The following HELQ variants were observed in gnomAD, a reference collection of about 807,000 sequenced individuals.
HELQ encodes helicase, POLQ like.
In HELQ, 77 loss-of-function variants were observed where a neutral mutation model predicts 111.6. The ratio of observed to expected loss-of-function variants is 0.69; its 90% CI spans 0.57 to 0.83. The LOEUF (loss-of-function observed/expected upper bound fraction) is 0.83, where lower values mean the gene tolerates loss of function less well. Among genes scored for constraint, HELQ ranks in the 40% least tolerant of loss-of-function variants. The pLI is 0.00. For missense variants in HELQ, 1,200 were observed against 1,288.5 expected (o/e 0.93, Z 1.05); for synonymous variants, 438 against 454.7 (o/e 0.96, Z 0.47).
In HELQ at chr4:83,421,734, C is replaced by G. The variant is rs1031540158; in HGVS notation, c.2778G>C (p.Lys926Asn). The G allele has an allele frequency of 1.1e-5, 17 of 1,611,488 alleles. No homozygotes were observed. Among genetic ancestry groups the G allele is most frequent in the Non-Finnish European group, 1.4e-5 (17 of 1,179,080 alleles). Reference sequence around the variant, plus strand: ...GCCTGTTGACAACGTTCTTGTCCACCTTCTAGAAAGACACAATCAAATAAA... The same window carrying G: ...GCCTGTTGACAACGTTCTTGTCCACGTTCTAGAAAGACACAATCAAATAAA... ...KKASGQAIGKKVDKNVVNRLY... is the reference protein window; with the variant it reads ...KKASGQAIGKNVDKNVVNRLY... Residue 926 changes from lysine (K) to asparagine (N), a missense_variant and splice_region_variant, in exon 15 of 18, where the codon AAG (lysine) becomes AAC (asparagine). By Grantham distance (94) the Lys-to-Asn change is moderately conservative. Transcript: ENST00000295488.
chr4:83,443,472 A>G (rs762211530), intron 6 of HELQ, 45 bp downstream of exon 6: 16 of 855,810 alleles, frequency 1.9e-5, no homozygotes, highest in South Asian at 3.4e-5. Flanking sequence ...TCTAAGTTAG[A>G]TGAATACGAA....
At chr4:83,447,477 G>A (rs17006825) in intron 3 of HELQ, among the ~76,000 whole-genome samples, 13,941 of 152,198 alleles carry the variant, frequency 0.092, 2,086 homozygotes, top group African/African-American at 0.32. Context: ...CAAGACATAC[G>A]TAAGAAATGC....
Position 83,429,523 on chromosome 4 carries a change from C to T in HELQ, c.2518+1G>A. 6.4e-7 allele frequency: 1 copy of T among 1,562,098 alleles called. No homozygotes were observed. The highest frequency in any genetic ancestry group is 8.8e-7 in the Non-Finnish European group (1 of 1,137,424). The stretch of plus-strand genomic sequence containing the variant: ...TCAATAAGATTTAGGTAAACTCTTA[C>T]CCTTAAATGAAGCACGTCCCAACTT... On this transcript the variant is annotated splice_donor_variant, in intron 12 of 17. Transcript: ENST00000295488. LOFTEE classifies it high-confidence loss of function.
intron 13 of HELQ, among the ~76,000 whole-genome samples, chr4:83,427,078 A>G (rs963984987): frequency 2.8e-4 from 42 of 152,186 alleles, no homozygotes; most frequent in Non-Finnish European, 2.8e-4. Context: ...ATCATCAGAG[A>G]TGGTTTTCAC....
intron 2 of HELQ, among the ~76,000 whole-genome samples, chr4:83,452,995 T>C (rs989003716): frequency 2.0e-5 from 3 of 152,108 alleles, no homozygotes; most frequent in Non-Finnish European, 2.9e-5. Flanking sequence ...AGGAATTATG[T>C]CAGGTAAGGA....
upstream of HELQ, chr4:83,455,871 A>C (rs1199009564): frequency 2.6e-6 from 2 of 777,994 alleles, no homozygotes; most frequent in African/African-American, 1.7e-5. Flanking sequence ...CTGTCCAATC[A>C]TAAGCCTCAC....
intron 9 of HELQ, among the ~76,000 whole-genome samples, chr4:83,432,714 G>C (rs1032138692): frequency 6.6e-6 from 1 of 152,110 alleles, no homozygotes; most frequent in Non-Finnish European, 1.5e-5. Context: ...ATTTTGAACT[G>C]TATAAAATTG....
intron 2 of HELQ, among the ~76,000 whole-genome samples, chr4:83,452,475 G>A (rs1168099820): frequency 1.3e-5 from 2 of 152,134 alleles, no homozygotes; most frequent in Non-Finnish European, 2.9e-5. Context: ...AGGTAGCTGC[G>A]GCTGCTGGTG....
chr4:83,446,077 T>C lies in HELQ; in HGVS notation c.1402A>G (p.Ile468Val), dbSNP rs756089793. 3.7e-6 allele frequency: 6 copies of C among 1,612,910 alleles called. No individual in the cohort carries two copies. The African/African-American group carries it at 5.3e-5, about 14-fold the overall frequency. The part of the protein sequence containing the change: ...GLVVVDELHM[I>V]GEGSRGATLE... ...GTAGCTCCACGGCTTCCTTCACCAA[T>C]CATGTGCAACTTCGAGATTTTTTTT... is the stretch of plus-strand genomic sequence containing the variant. Residue 468 changes from isoleucine to valine, a missense_variant, in exon 5 of 18, where the codon ATT (isoleucine) becomes GTT (valine). By Grantham distance (29) the Ile-to-Val change is conservative (BLOSUM62 3). Transcript: ENST00000295488.
chr4:83,433,525 T>G (rs1480109922), intron 9 of HELQ, among the ~76,000 whole-genome samples: 2 of 149,112 alleles, frequency 1.3e-5, no homozygotes, highest in African/African-American at 5.0e-5. Context: ...AATTAGCTGG[T>G]CGTGGTGGCA....
chr4:83,421,189 C>CAA lies in HELQ; in HGVS notation c.2949+372_2949+373dup, dbSNP rs201703366. 5.9e-4 allele frequency among the ~76,000 whole-genome samples: 90 copies of CAA among 152,212 alleles called. 1 individual carries two copies. The East Asian group carries it at 0.017, about 28-fold the overall frequency. On this transcript the variant is annotated intron_variant, in intron 15 of 17. Transcript: ENST00000295488. ...TGTTGGATATAGGTAACTTTCTAAC[C>CAA]AAACACCTGACATTTTTATTACTCA... is the stretch of plus-strand genomic sequence containing the variant.
chr4:83,449,206 G>A (rs900881408), intron 2 of HELQ, among the ~76,000 whole-genome samples: 3 of 152,194 alleles, frequency 2.0e-5, no homozygotes, highest in Non-Finnish European at 2.9e-5. Flanking sequence ...TGCAGACTTG[G>A]GTCCAATATT....
intron 15 of HELQ, among the ~76,000 whole-genome samples, chr4:83,419,980 T>C (rs1739582052): frequency 6.6e-6 from 1 of 152,160 alleles, no homozygotes; most frequent in Non-Finnish European, 1.5e-5. Flanking sequence ...AAAGGGAAAA[T>C]GAAGTAAATT....
In HELQ at chr4:83,418,212, G is replaced by C. The variant is rs1273391651; in HGVS notation, c.2950-6C>G. ...ACCCAAAACTCCTCAAGCTCCTGTAGAACACAAAGAAATATATAAAATTTA... is the reference window on the plus strand; with the variant it reads ...ACCCAAAACTCCTCAAGCTCCTGTACAACACAAAGAAATATATAAAATTTA... On this transcript the variant is annotated splice_polypyrimidine_tract_variant and splice_region_variant and intron_variant, in intron 15 of 17. Transcript: ENST00000295488. The C allele has an allele frequency of 1.4e-6, 2 of 1,464,224 alleles. No homozygotes were observed. The highest frequency in any genetic ancestry group is 1.3e-5 in the South Asian group (1 of 79,006). 90.7% of individuals were successfully genotyped at this position (1,464,224 alleles called of 1,614,324 possible).
At chr4:83,441,748 G>T (rs1422368387) in intron 6 of HELQ, among the ~76,000 whole-genome samples, 5 of 147,922 alleles carry the variant, frequency 3.4e-5, no homozygotes, top group Admixed American at 2.7e-4. Flanking sequence ...TCTGTTTTAT[G>T]TCTCAAGATC....
intron 14 of HELQ, among the ~76,000 whole-genome samples, chr4:83,422,999 G>A (rs1045522460): frequency 3.3e-5 from 5 of 152,148 alleles, no homozygotes; most frequent in Non-Finnish European, 4.4e-5. Flanking sequence ...TGATGATTTC[G>A]ATTCTGTATA....
At chr4:83,450,422 T>C (rs1216266911) in intron 2 of HELQ, among the ~76,000 whole-genome samples, 3 of 151,490 alleles carry the variant, frequency 2.0e-5, no homozygotes, top group Non-Finnish European at 2.9e-5. Context: ...TAACTTATTG[T>C]GCTTTTGGGT....
intron 17 of HELQ, among the ~76,000 whole-genome samples, 173 bp downstream of exon 17, chr4:83,416,558 A>G (rs1044532088): frequency 2.0e-5 from 3 of 152,124 alleles, no homozygotes; most frequent in Non-Finnish European, 4.4e-5. Flanking sequence ...TTGTTTTGCA[A>G]GGCTTGTGTC....
chr4:83,412,976 T>C (rs1394310504), intron 17 of HELQ, among the ~76,000 whole-genome samples: 1 of 152,206 alleles, frequency 6.6e-6, no homozygotes, highest in East Asian at 1.9e-4. Context: ...ATCATACCCT[T>C]TCTGTCCAGT....
Sources: allele counts gnomAD v4.1 joint callset (sites outside exome capture counted in the v4.1 genomes callset), GRCh38; gene constraint gnomAD v4.1.1; transcripts MANE v1.5; gene names NCBI Gene and HGNC (gene_info 2026-07-23, HGNC 2026-07-21).